Variants in ADAMTS17 observed in about 807,000 individuals in gnomAD.
ADAMTS17 encodes the protein ADAM metallopeptidase with thrombospondin type 1 motif 17, also known as A disintegrin and metalloproteinase with thrombospondin motifs 17.
In ADAMTS17, 113 loss-of-function variants were observed where a neutral mutation model predicts 141.5. That is an observed-to-expected ratio of 0.80 (90% CI 0.69 to 0.93). The LOEUF is 0.93. Ranked by LOEUF, ADAMTS17 falls within the 40% of genes least tolerant of loss-of-function variation. The pLI, the probability that ADAMTS17 is intolerant of heterozygous loss-of-function variation, is 0.00. For synonymous variants in ADAMTS17, 768 were observed against 630.6 expected (o/e 1.22, Z -3.27); for missense variants, 1,659 against 1,517.9 (o/e 1.09, Z -1.54).
intron 4 of ADAMTS17, among the ~76,000 whole-genome samples, chr15:100,268,243 C>A (rs1019167179): frequency 1.3e-5 from 2 of 152,016 alleles, no homozygotes; most frequent in Non-Finnish European, 2.9e-5. Context: ...CTATTGTGAA[C>A]GGTGCTGTAA....
intron 3 of ADAMTS17, among the ~76,000 whole-genome samples, chr15:100,282,979 G>A (rs2044333488): frequency 6.6e-6 from 1 of 152,136 alleles, no homozygotes; most frequent in African/African-American, 2.4e-5. Flanking sequence ...AATATGAATA[G>A]TGGTATGTGA....
intron 15 of ADAMTS17, among the ~76,000 whole-genome samples, chr15:100,066,771 T>C (rs1320509038): frequency 6.6e-6 from 1 of 151,200 alleles, no homozygotes; most frequent in African/African-American, 2.4e-5. Context: ...CCTTCAACAC[T>C]TGAAATACAC....
chr15:100,207,806 C>T (rs2041635328), intron 7 of ADAMTS17, among the ~76,000 whole-genome samples: 1 of 152,042 alleles, frequency 6.6e-6, no homozygotes, highest in African/African-American at 2.4e-5. Context: ...ACTAAGGCAC[C>T]AGGGAGGGAG....
intron 18 of ADAMTS17, among the ~76,000 whole-genome samples, chr15:100,042,148 C>T (rs1260093883): frequency 6.6e-6 from 1 of 152,188 alleles, no homozygotes; most frequent in Non-Finnish European, 1.5e-5. Context: ...GCAGTTTTTA[C>T]TTGTGTGTCC....
intron 10 of ADAMTS17, among the ~76,000 whole-genome samples, chr15:100,140,496 T>TAC (rs1266280184): frequency 6.9e-6 from 1 of 145,926 alleles, no homozygotes; most frequent in Admixed American, 6.8e-5. Flanking sequence ...TACATATATA[T>TAC]ATATATATAT....
Position 99,971,618 on chromosome 15 carries a change from G to A in ADAMTS17, c.*2784C>T, listed in dbSNP as rs374262051. On this transcript the variant is annotated 3_prime_UTR_variant, in exon 22 of 22. Transcript: ENST00000268070. ...GGTACAGTATGTAATGCAAGTTAAC[G>A]AATGGAAAATAGATACATTTGACTC... is the stretch of plus-strand genomic sequence containing the variant. The A allele has an allele frequency of 1.5e-4, 23 of 152,158 alleles. No homozygotes were observed. Among genetic ancestry groups the A allele is most frequent in the Admixed American group, 1.2e-3 (19 of 15,278 alleles). The allele number at this position is 152,158 out of a possible 1,614,324, so 9.4% of individuals were successfully genotyped here. A position where few individuals can be genotyped will look rare whatever the true frequency, so the allele number is the denominator to read the frequency against.
At chr15:100,119,382 C>T (rs1395655735) in intron 12 of ADAMTS17, among the ~76,000 whole-genome samples, 3 of 152,258 alleles carry the variant, frequency 2.0e-5, no homozygotes, top group South Asian at 4.1e-4. Context: ...GAACAAAACA[C>T]GGACTGGAAG....
chr15:100,000,433 G>T (rs1013652737), intron 18 of ADAMTS17, among the ~76,000 whole-genome samples: 5 of 152,156 alleles, frequency 3.3e-5, no homozygotes, highest in Non-Finnish European at 7.3e-5. Flanking sequence ...AGGACAACAT[G>T]GCCCAGATGT....
intron 15 of ADAMTS17, among the ~76,000 whole-genome samples, chr15:100,076,863 C>G (rs1458814242): frequency 6.6e-6 from 1 of 152,088 alleles, no homozygotes; most frequent in African/African-American, 2.4e-5. Context: ...TTATATCATA[C>G]TACATTTGCA....
intron 4 of ADAMTS17, among the ~76,000 whole-genome samples, chr15:100,275,402 G>C (rs2044047731): frequency 1.3e-5 from 2 of 152,224 alleles, no homozygotes; most frequent in African/African-American, 4.8e-5. Flanking sequence ...AGAGGATCTT[G>C]CTGGTTATTC....
chr15:100,216,299 T>A (rs1381574173), intron 7 of ADAMTS17, among the ~76,000 whole-genome samples: 2 of 152,234 alleles, frequency 1.3e-5, no homozygotes, highest in African/African-American at 4.8e-5. Flanking sequence ...TAACAGAAAG[T>A]ATTTCTCAAG....
At chr15:100,146,675 C>G (rs146284964) in intron 10 of ADAMTS17, among the ~76,000 whole-genome samples, 843 of 52,142 alleles carry the variant, frequency 0.016, 6 homozygotes, top group African/African-American at 0.037. Context: ...CGGAACAGAG[C>G]CATATTTCTC....
intron 21 of ADAMTS17, among the ~76,000 whole-genome samples, chr15:99,975,826 G>A (rs564329079): frequency 7.5e-4 from 114 of 152,284 alleles, no homozygotes; most frequent in Non-Finnish European, 1.3e-3. Context: ...ACGCTCAGGT[G>A]CCTGTGTTGG....
intron 8 of ADAMTS17, among the ~76,000 whole-genome samples, chr15:100,185,980 C>T (rs542520905): frequency 6.1e-4 from 93 of 152,050 alleles, no homozygotes; most frequent in African/African-American, 1.5e-3. Flanking sequence ...TGAGTGCAGC[C>T]GACAATTACT....
intron 7 of ADAMTS17, among the ~76,000 whole-genome samples, chr15:100,204,507 T>G (rs2041457717): frequency 6.6e-6 from 1 of 152,232 alleles, no homozygotes; most frequent in Non-Finnish European, 1.5e-5. Context: ...GATGTGGGTG[T>G]GATCTGAATG....
intron 6 of ADAMTS17, among the ~76,000 whole-genome samples, chr15:100,259,955 C>T (rs28636992): frequency 0.089 from 13,505 of 152,232 alleles, 1,611 homozygotes; most frequent in African/African-American, 0.27. Flanking sequence ...AGCAATTCTC[C>T]TGCCTCAGCC....
chr15:100,307,315 T>C (rs985145445), intron 3 of ADAMTS17, among the ~76,000 whole-genome samples: 1 of 152,144 alleles, frequency 6.6e-6, no homozygotes, highest in Non-Finnish European at 1.5e-5. Flanking sequence ...AAGTTTGGTG[T>C]GACGGGGTTC....
At chr15:100,175,161 A>C (rs112667852) in intron 8 of ADAMTS17, among the ~76,000 whole-genome samples, 20 of 152,334 alleles carry the variant, frequency 1.3e-4, no homozygotes, top group African/African-American at 4.6e-4. Context: ...AAGGGTACTC[A>C]GCTGTTCCAG....
intron 7 of ADAMTS17, among the ~76,000 whole-genome samples, chr15:100,214,720 G>A (rs900869262): frequency 4.6e-5 from 7 of 152,056 alleles, no homozygotes; most frequent in African/African-American, 1.4e-4. Context: ...TCACTTGCTC[G>A]GCCCACCATC....
Sources: gnomAD v4.1 joint callset for allele counts (sites outside exome capture counted in the v4.1 genomes callset) on GRCh38, gnomAD v4.1.1 for gene constraint, MANE v1.5 for transcripts, NCBI Gene and HGNC (gene_info 2026-07-23, HGNC 2026-07-21) for gene names.